The following TBC1D32 variants were observed in gnomAD, a reference collection of about 807,000 sequenced individuals.
TBC1D32 encodes protein broad-minded.
Under a neutral mutation model 170.3 loss-of-function variants are expected in TBC1D32, and 151 were observed. That is an observed-to-expected ratio of 0.89 (90% CI 0.78 to 1.01). TBC1D32 has a LOEUF of 1.01. Among genes scored for constraint, TBC1D32 ranks in the 50% least tolerant of loss-of-function variants. The pLI is 0.00. For missense variants in TBC1D32, 1,464 were observed against 1,457.1 expected (o/e 1.00, Z -0.08); for synonymous variants, 498 against 488.0 (o/e 1.02, Z -0.27).
intron 30 of TBC1D32, among the ~76,000 whole-genome samples, chr6:121,095,709 T>C (rs1169887117): frequency 6.6e-6 from 1 of 152,202 alleles, no homozygotes; most frequent in Non-Finnish European, 1.5e-5. Context: ...TTGTCATTAG[T>C]TCTGTTTACG....
At chr6:121,085,282 T>C (rs529909155) in intron 31 of TBC1D32, among the ~76,000 whole-genome samples, 7 of 145,514 alleles carry the variant, frequency 4.8e-5, no homozygotes, top group African/African-American at 1.5e-4. Flanking sequence ...TATACGTATA[T>C]ATATACATAT....
chr6:121,130,461 G>A (rs1470913926), intron 25 of TBC1D32, among the ~76,000 whole-genome samples: 3 of 152,148 alleles, frequency 2.0e-5, no homozygotes, highest in African/African-American at 7.2e-5. Flanking sequence ...CAGCCTGGAC[G>A]ACAGAGCAAG....
intron 24 of TBC1D32, among the ~76,000 whole-genome samples, chr6:121,158,301 T>C (rs1253612977): frequency 1.3e-5 from 2 of 152,202 alleles, no homozygotes; most frequent in Non-Finnish European, 2.9e-5. Flanking sequence ...CTTCTGACTA[T>C]GCTTTAGGAC....
chr6:121,213,223 T>C (rs1793309411), intron 21 of TBC1D32, among the ~76,000 whole-genome samples: 1 of 151,864 alleles, frequency 6.6e-6, no homozygotes, highest in Non-Finnish European at 1.5e-5. Context: ...GAGAAACAAA[T>C]AAAGGTCATC....
intron 15 of TBC1D32, among the ~76,000 whole-genome samples, chr6:121,269,081 C>G (rs1288908485): frequency 2.6e-5 from 4 of 152,156 alleles, no homozygotes; most frequent in Non-Finnish European, 4.4e-5. Flanking sequence ...TTGTCACCAC[C>G]AGGCCTGCCT....
chr6:121,100,583 A>T (rs1384849883), intron 30 of TBC1D32, among the ~76,000 whole-genome samples: 1 of 152,126 alleles, frequency 6.6e-6, no homozygotes, highest in Non-Finnish European at 1.5e-5. Context: ...ACACATTTAA[A>T]GCAGTGTGTA....
chr6:121,181,586 C>T (rs959074111), intron 22 of TBC1D32, among the ~76,000 whole-genome samples: 2 of 151,806 alleles, frequency 1.3e-5, no homozygotes, highest in East Asian at 1.9e-4. Context: ...AGTGTGAGAA[C>T]AGACTAATAA....
rs746472528 is a variant in TBC1D32 at position 121,241,478 on chromosome 6, T to C, written c.2232A>G (p.Ala744=). The C allele has an allele frequency of 6.2e-7, 1 of 1,613,104 alleles. No homozygotes were observed. The highest frequency in any genetic ancestry group is 1.1e-5 in the South Asian group (1 of 90,890). ...RVASTAAGGI[A]LKKSGFINEL... ...GAAAACATTTACCTGACTTTTTTAG[T>C]GCAATGCCACCTGCTGCTGTTGATG... is the stretch of plus-strand genomic sequence containing the variant. The change falls in exon 19 of 32, where the codon GCA becomes GCG. Residue 744 remains alanine (A), a synonymous_variant. Coordinates refer to ENST00000398212, the MANE Select transcript of TBC1D32 (RefSeq NM_152730.6).
At chr6:121,220,936 C>T (rs1280357115) in intron 21 of TBC1D32, among the ~76,000 whole-genome samples, 1 of 152,008 alleles carries the variant, frequency 6.6e-6, no homozygotes, top group Non-Finnish European at 1.5e-5. Context: ...CAACGACGCC[C>T]GGCCAAGAGA....
At chr6:121,253,175 G>A (rs1168248686) in intron 17 of TBC1D32, among the ~76,000 whole-genome samples, 2 of 152,030 alleles carry the variant, frequency 1.3e-5, no homozygotes, top group Non-Finnish European at 2.9e-5. Context: ...ACCCAATGTG[G>A]GAGAAAATAT....
At chr6:121,230,698 T>C (rs1233873532) in intron 20 of TBC1D32, among the ~76,000 whole-genome samples, 1 of 151,892 alleles carries the variant, frequency 6.6e-6, no homozygotes, top group Non-Finnish European at 1.5e-5. Flanking sequence ...TGTGTGTATA[T>C]ATATTTGCCA....
At chr6:121,119,216 G>A (rs1038145853) in intron 26 of TBC1D32, among the ~76,000 whole-genome samples, 14 of 152,120 alleles carry the variant, frequency 9.2e-5, no homozygotes, top group Non-Finnish European at 8.8e-5. Flanking sequence ...GTAGCCAGCT[G>A]AAAAACTGTT....
At chr6:121,333,099 C>T (rs6569199) in intron 1 of TBC1D32, among the ~76,000 whole-genome samples, 146,133 of 152,212 alleles carry the variant, frequency 0.96, 70,465 homozygotes, top group East Asian at 1. Flanking sequence ...ATGATATTGA[C>T]AGGAGTTCCA....
chr6:121,283,964 A>C, intron 12 of TBC1D32, 54 bp from the exon 13 acceptor site: 1 of 1,324,904 alleles, frequency 7.5e-7, no homozygotes, highest in Non-Finnish European at 1.1e-6. Flanking sequence ...TTTCAACTTA[A>C]GAGAAATTTA....
chr6:121,299,867 C>G (rs918066442), intron 9 of TBC1D32, among the ~76,000 whole-genome samples: 5 of 152,100 alleles, frequency 3.3e-5, no homozygotes, highest in African/African-American at 1.2e-4. Flanking sequence ...AAGCACAACT[C>G]TTATACTGAA....
rs148987796 is a variant in TBC1D32 at position 121,121,401 on chromosome 6, G to C, written c.2983+4977C>G. On this transcript the variant is annotated intron_variant, in intron 26 of 31. Transcript: ENST00000398212. ...TTGAATAAATAACACATATTTGAAT[G>C]ATGGTTTCTTCAGCAAAAGAAGAAA... is the stretch of plus-strand genomic sequence containing the variant. Among the ~76,000 whole-genome samples the C allele has an allele frequency of 4.1e-3, 616 of 152,064 alleles. 4 individuals are homozygous for C. Among genetic ancestry groups the C allele is most frequent in the Non-Finnish European group, 7.4e-3 (503 of 67,894 alleles).
chr6:121,121,478 T>A (rs1413750118), intron 26 of TBC1D32, among the ~76,000 whole-genome samples: 1 of 152,104 alleles, frequency 6.6e-6, no homozygotes, highest in Non-Finnish European at 1.5e-5. Context: ...ATATGCTAAC[T>A]CTACTTTCTT....
chr6:121,317,769 G>A, intron 2 of TBC1D32, 97 bp from the exon 3 acceptor site: 1 of 851,480 alleles, frequency 1.2e-6, no homozygotes. Context: ...AAAAAGGGAA[G>A]TCCCTTTAAG....
intron 15 of TBC1D32, among the ~76,000 whole-genome samples, chr6:121,278,907 A>G (rs1237360273): frequency 6.6e-6 from 1 of 152,178 alleles, no homozygotes; most frequent in African/African-American, 2.4e-5. Context: ...AAGTGAAAAT[A>G]CAAGGGAGCA....
Sources: gnomAD v4.1 joint callset for allele counts (sites outside exome capture counted in the v4.1 genomes callset) on GRCh38, gnomAD v4.1.1 for gene constraint, MANE v1.5 for transcripts, NCBI Gene and HGNC (gene_info 2026-07-23, HGNC 2026-07-21) for gene names.